The following UNC45A variants were observed in gnomAD, a reference collection of about 807,000 sequenced individuals.
UNC45A encodes unc-45 myosin chaperone A, also known as protein unc-45 homolog A.
UNC45A carries 78 observed loss-of-function variants against 103.2 expected under a neutral mutation model. The ratio of observed to expected loss-of-function variants is 0.76; its 90% CI spans 0.63 to 0.91. The LOEUF (loss-of-function observed/expected upper bound fraction) is 0.91, where lower values mean the gene tolerates loss of function less well. UNC45A is among the 40% of genes least tolerant of loss of function. The probability of loss-of-function intolerance (pLI) is 0.00; values close to 1 mark genes in which losing one functional copy is unlikely to be tolerated. For synonymous variants in UNC45A, 495 were observed against 504.6 expected, an observed-to-expected ratio of 0.98 and a Z score of 0.25; for missense variants, 1,193 against 1,224.8, an observed-to-expected ratio of 0.97 and a Z score of 0.39.
intron 6 of UNC45A, chr15:90,941,115 A>G (rs1411563101): frequency 1.3e-5 from 2 of 152,194 alleles, no homozygotes; most frequent in African/African-American, 4.8e-5. Flanking sequence ...GCTTTCCTGC[A>G]GCCAACTCAC....
chr15:90,942,289 G>A (rs1221188699), intron 6 of UNC45A, 148 bp from the exon 7 acceptor site: 3 of 894,994 alleles, frequency 3.4e-6, no homozygotes, highest in South Asian at 3.3e-5. Context: ...CCTGGGTCAT[G>A]CCATCCATTC....
At chr15:90,948,022 A>G in intron 11 of UNC45A, 120 bp from the exon 12 acceptor site, 1 of 1,528,782 alleles carries the variant, frequency 6.5e-7, no homozygotes, top group Non-Finnish European at 8.9e-7. Flanking sequence ...GGATCCTGGT[A>G]CGTGAACTGC....
At chr15:90,948,542 G>A in intron 12 of UNC45A, 112 bp from the exon 13 acceptor site, 2 of 1,503,630 alleles carry the variant, frequency 1.3e-6, no homozygotes. Context: ...AATTCATCCT[G>A]TACCCAAGGG....
At position 90,946,631 on chromosome 15, in the gene UNC45A, A is replaced by G. The variant is rs1287067374; in HGVS notation, c.1217A>G (p.Gln406Arg). 1 of 1,607,034 alleles carries G rather than the reference A, an allele frequency of 6.2e-7. No individual in the cohort carries two copies. The highest frequency in any genetic ancestry group is 2.2e-5 in the East Asian group (1 of 44,776). ...ENYIKSWFEG[Q>R]GLAGKLRAIQ... ...CCCCTCAGGAGCTGGTTTGAGGGCCAAGGGCTGGCCGGGAAGCTACGGGCC... is the reference window on the plus strand; with the variant it reads ...CCCCTCAGGAGCTGGTTTGAGGGCCGAGGGCTGGCCGGGAAGCTACGGGCC... Residue 406 changes from glutamine to arginine, a missense_variant, in exon 10 of 20, where the codon CAA (glutamine) becomes CGA (arginine). Coordinates refer to ENST00000418476, the MANE Select transcript of UNC45A (RefSeq NM_018671.5).
At chr15:90,933,143 G>C (rs1028422176), upstream of UNC45A, 1 of 147,838 alleles carries the variant, frequency 6.8e-6, no homozygotes, top group African/African-American at 2.4e-5. Context: ...AATTGCTTCA[G>C]ACTTAGGCTC....
intron 3 of UNC45A, 137 bp downstream of exon 3, chr15:90,936,119 G>T: frequency 1.3e-6 from 2 of 1,514,902 alleles, no homozygotes; most frequent in Non-Finnish European, 8.8e-7. Flanking sequence ...ACTGCCTCGG[G>T]CCTTTCCTTT....
intron 8 of UNC45A, among the ~76,000 whole-genome samples, chr15:90,943,986 GTTTTTTTT>G (rs953436599): frequency 1.3e-4 from 10 of 78,318 alleles, no homozygotes; most frequent in South Asian, 5.8e-4. Context: ...ATTGTGCCCT[GTTTTTTTT>G]TTTTTTTTTT....
chr15:90,931,853 T>A, upstream of UNC45A: 1 of 1,614,134 alleles, frequency 6.2e-7, no homozygotes, highest in Non-Finnish European at 8.5e-7. Flanking sequence ...TGTTACCTCC[T>A]CCACCAGGCG....
chr15:90,932,968 C>A (rs12902179), upstream of UNC45A: 23,869 of 163,164 alleles, frequency 0.15, 2,271 homozygotes, highest in East Asian at 0.41. Context: ...CCCCAAGAAC[C>A]ATCTTCAACC....
intron 11 of UNC45A, 73 bp downstream of exon 11, chr15:90,947,963 T>C: frequency 6.9e-7 from 1 of 1,456,894 alleles, no homozygotes; most frequent in Non-Finnish European, 9.2e-7. Context: ...TGGGTGGGGG[T>C]TGGGGCCTCC....
intron 6 of UNC45A, among the ~76,000 whole-genome samples, chr15:90,941,693 C>G (rs34713051): frequency 0.055 from 8,380 of 152,066 alleles, 337 homozygotes; most frequent in South Asian, 0.16. Flanking sequence ...GGCGCGGTGG[C>G]TCATGCCTGT....
In UNC45A at chr15:90,948,146, C is replaced by G. The variant is rs148079402; in HGVS notation, c.1600C>G (p.Leu534Val). 6.2e-7 allele frequency: 1 copy of G among 1,613,918 alleles called. No individual in the cohort carries two copies. Among genetic ancestry groups the G allele is most frequent in the African/African-American group, 1.3e-5 (1 of 74,940 alleles). ...LKLAKQCRKW[L>V]CNDQIDAGTR... ...CACTATCCTGCGTGTCCCCAGGTGG[C>G]TGTGCAATGACCAGATCGACGCAGG... Residue 534 changes from leucine (L) to valine (V), a missense_variant, in exon 12 of 20, where the codon CTG (leucine) becomes GTG (valine). By Grantham distance (32) the Leu-to-Val change is conservative. Transcript: ENST00000418476.
Position 90,953,577 on chromosome 15 carries a change from C to T in UNC45A, c.2696C>T (p.Thr899Ile), listed in dbSNP as rs758777979. ...MVEASREIASTLMESEMMEIL... is the reference protein window; with the variant it reads ...MVEASREIASILMESEMMEIL... The stretch of plus-strand genomic sequence containing the variant: ...GAGGCCTCGAGGGAGATTGCCAGCA[C>T]CCTGATGGAGAGTGAGATGATGGAG... The change falls in exon 20 of 20, where the codon ACC becomes ATC. Residue 899 changes from threonine (T) to isoleucine (I), a missense_variant. Transcript: ENST00000418476. 3.7e-6 allele frequency: 6 copies of T among 1,613,990 alleles called. No homozygotes were observed. Among genetic ancestry groups the T allele is most frequent in the African/African-American group, 1.3e-5 (1 of 74,902 alleles).
chr15:90,942,868 C>T, intron 7 of UNC45A, 44 bp from the exon 8 acceptor site: 1 of 1,563,220 alleles, frequency 6.4e-7, no homozygotes, highest in Non-Finnish European at 8.7e-7. Context: ...TCAAACTGGG[C>T]TGGGCTGCTG....
chr15:90,931,836 T>G (rs1374683597), upstream of UNC45A: 1 of 1,614,034 alleles, frequency 6.2e-7, no homozygotes, highest in African/African-American at 1.3e-5. Context: ...GGCAGAGTCT[T>G]GTCATCTGTT....
In UNC45A at chr15:90,953,971, A is replaced by G; in HGVS notation, c.*255A>G. 1 of 539,022 alleles carries G rather than the reference A, an allele frequency of 1.9e-6. No individual in the cohort carries two copies. Among genetic ancestry groups the G allele is most frequent in the South Asian group, 2.1e-5 (1 of 47,888 alleles). 33.4% of individuals were successfully genotyped at this position (539,022 alleles called of 1,614,324 possible). ...CTACTGTAGTCAGCTGGGAATGGGG[A>G]AGGTGCATCCCAACACAGCCTGTGG... On this transcript the variant is annotated 3_prime_UTR_variant, in exon 20 of 20. Transcript: ENST00000418476.
At chr15:90,942,735 T>C in intron 7 of UNC45A, 130 bp downstream of exon 7, 1 of 1,527,470 alleles carries the variant, frequency 6.5e-7, no homozygotes, top group Admixed American at 1.8e-5. Context: ...TTTGGTGACA[T>C]TATTTTACTC....
At chr15:90,943,441 A>AG (rs1337043627) in intron 8 of UNC45A, among the ~76,000 whole-genome samples, 1 of 151,648 alleles carries the variant, frequency 6.6e-6, no homozygotes, top group African/African-American at 2.4e-5. Flanking sequence ...AAAAAAAAAA[A>AG]AAAAAGAAAG....
At position 90,936,425 on chromosome 15, in the gene UNC45A, G is replaced by C; in HGVS notation, c.391G>C (p.Ala131Pro). The change falls in exon 4 of 20, where the codon GCC becomes CCC. Residue 131 changes from alanine (A) to proline (P), a missense_variant. Coordinates refer to ENST00000418476, the MANE Select transcript of UNC45A (RefSeq NM_018671.5). ...LEPKNKVFQE[A>P]LRNIGGQIQE... is the part of the protein sequence containing the mutation. ...GCCCAAGAACAAAGTTTTCCAGGAG[G>C]CCTTGCGGAACATCGGGGGCCAGAT... 6.2e-7 allele frequency: 1 copy of C among 1,614,190 alleles called. No individual in the cohort carries two copies.
Sources: gnomAD v4.1 joint callset for allele counts (sites outside exome capture counted in the v4.1 genomes callset) on GRCh38, gnomAD v4.1.1 for gene constraint, MANE v1.5 for transcripts, NCBI Gene and HGNC (gene_info 2026-07-23, HGNC 2026-07-21) for gene names.